Variants in MBD5 observed in about 807,000 individuals in gnomAD.
MBD5 encodes the protein methyl-CpG binding domain protein 5, also known as methyl-CpG-binding domain protein 5.
In MBD5, 13 loss-of-function variants were observed where a neutral mutation model predicts 117.3. The observed-to-expected ratio is 0.11, with a 90% CI of 0.07 to 0.18. MBD5 has a LOEUF of 0.18. Ranked by LOEUF, MBD5 falls within the 10% of genes least tolerant of loss-of-function variation. The pLI is 1.00. For synonymous variants in MBD5, 727 were observed against 766.4 expected (o/e 0.95, Z 0.85); for missense variants, 1,879 against 2,093.8 (o/e 0.90, Z 2.00).
At chr2:148,135,474 T>C (rs1407811075) in intron 1 of MBD5, among the ~76,000 whole-genome samples, 2 of 152,204 alleles carry the variant, frequency 1.3e-5, no homozygotes, top group Admixed American at 6.5e-5. Context: ...TATTTTTACA[T>C]TCTAGAATAT....
intron 7 of MBD5, among the ~76,000 whole-genome samples, chr2:148,465,299 A>G (rs944088802): frequency 1.3e-5 from 2 of 152,136 alleles, no homozygotes; most frequent in African/African-American, 4.8e-5. Context: ...TGATTTTCCC[A>G]TTATTGAAGT....
intron 3 of MBD5, among the ~76,000 whole-genome samples, chr2:148,330,120 C>CACACACACACA (rs1553501700): frequency 6.9e-5 from 10 of 145,498 alleles, no homozygotes; most frequent in East Asian, 2.1e-4. Context: ...CACACACACT[C>CACACACACACA]TACCTTAGGC....
chr2:148,066,485 CTTTTTTTT>C (rs1216245986), intron 1 of MBD5, among the ~76,000 whole-genome samples: 1 of 138,100 alleles, frequency 7.2e-6, no homozygotes, highest in Non-Finnish European at 1.6e-5. Flanking sequence ...CCATTTTTTT[CTTTTTTTT>C]TTTTTTTTGT....
chr2:148,402,678 AT>A (rs1704959942), intron 4 of MBD5, among the ~76,000 whole-genome samples: 1 of 152,166 alleles, frequency 6.6e-6, no homozygotes, highest in Non-Finnish European at 1.5e-5. Flanking sequence ...TTTGAGATTT[AT>A]TCTTGCCGTT....
At chr2:148,140,504 T>A (rs1472513971) in intron 1 of MBD5, among the ~76,000 whole-genome samples, 1 of 152,198 alleles carries the variant, frequency 6.6e-6, no homozygotes, top group East Asian at 1.9e-4. Context: ...GTTAATCTCT[T>A]GAGGAAATTA....
At chr2:148,062,931 C>T (rs1010106551) in intron 1 of MBD5, among the ~76,000 whole-genome samples, 1 of 152,050 alleles carries the variant, frequency 6.6e-6, no homozygotes, top group Non-Finnish European at 1.5e-5. Flanking sequence ...CAATAAAGTA[C>T]AACCAAGACG....
intron 2 of MBD5, among the ~76,000 whole-genome samples, chr2:148,221,460 C>G (rs1699683611): frequency 6.6e-6 from 1 of 152,138 alleles, no homozygotes; most frequent in African/African-American, 2.4e-5. Flanking sequence ...GCCGTTTTAA[C>G]TGAGGTGAGA....
At chr2:148,087,996 A>C (rs1231412427) in intron 1 of MBD5, among the ~76,000 whole-genome samples, 4 of 152,098 alleles carry the variant, frequency 2.6e-5, no homozygotes, top group Admixed American at 2.6e-4. Context: ...AGAATGCTCC[A>C]GAGAAATAGA....
intron 1 of MBD5, chr2:148,044,828 C>A (rs891127654): frequency 1.3e-5 from 2 of 151,962 alleles, no homozygotes; most frequent in African/African-American, 4.8e-5. Flanking sequence ...CTATGGTCAT[C>A]CAAATTTATG....
At chr2:148,463,576 G>C (rs1251807704) in intron 6 of MBD5, among the ~76,000 whole-genome samples, 163 bp from the exon 7 acceptor site, 1 of 152,134 alleles carries the variant, frequency 6.6e-6, no homozygotes. Context: ...GAGTTCAGCA[G>C]AAGTACTTAC....
chr2:148,451,187 GTAGT>G (rs1371367067), intron 4 of MBD5, among the ~76,000 whole-genome samples: 1 of 152,108 alleles, frequency 6.6e-6, no homozygotes, highest in African/African-American at 2.4e-5. Context: ...TGTGCTAGGG[GTAGT>G]TAGAGTGATT....
At chr2:148,149,670 T>C (rs940543932) in intron 1 of MBD5, among the ~76,000 whole-genome samples, 4 of 152,218 alleles carry the variant, frequency 2.6e-5, no homozygotes, top group Non-Finnish European at 5.9e-5. Flanking sequence ...TGGTTTTGAT[T>C]TGCATTTCTC....
intron 4 of MBD5, among the ~76,000 whole-genome samples, chr2:148,362,893 G>C (rs1326298070): frequency 1.3e-5 from 2 of 152,124 alleles, no homozygotes; most frequent in African/African-American, 4.8e-5. Flanking sequence ...TGCAGCAAAG[G>C]GGCCTGACTG....
intron 1 of MBD5, among the ~76,000 whole-genome samples, chr2:148,064,797 C>T (rs920634162): frequency 6.6e-6 from 1 of 152,118 alleles, no homozygotes; most frequent in East Asian, 1.9e-4. Context: ...TTCTTCCTTA[C>T]CTTTCTTCTT....
intron 1 of MBD5, among the ~76,000 whole-genome samples, chr2:148,122,565 T>C (rs1288549759): frequency 1.3e-5 from 2 of 152,210 alleles, no homozygotes; most frequent in African/African-American, 2.4e-5. Flanking sequence ...TTTGAAGAGG[T>C]AGAGTTACTT....
At chr2:148,209,366 A>G (rs748823518) in intron 2 of MBD5, among the ~76,000 whole-genome samples, 2 of 152,160 alleles carry the variant, frequency 1.3e-5, no homozygotes, top group Non-Finnish European at 2.9e-5. Context: ...TAGTGCCACT[A>G]TAAAAGTGGC....
chr2:148,406,934 CTTAT>C (rs1157053435), intron 4 of MBD5, among the ~76,000 whole-genome samples: 1 of 152,128 alleles, frequency 6.6e-6, no homozygotes, highest in Admixed American at 6.6e-5. Flanking sequence ...CTCTTGAACC[CTTAT>C]TTCTTTCATA....
chr2:148,292,601 C>T (rs1701524252), intron 3 of MBD5, among the ~76,000 whole-genome samples: 1 of 152,060 alleles, frequency 6.6e-6, no homozygotes. Context: ...AAAAGGGAAC[C>T]CTCCTACAAT....
intron 3 of MBD5, among the ~76,000 whole-genome samples, chr2:148,282,908 C>G (rs78054544): frequency 1.6e-5 from 2 of 127,626 alleles, no homozygotes; most frequent in Non-Finnish European, 3.2e-5. Flanking sequence ...CGCCCCCCCC[C>G]ATCAGATGCA....
Sources: gnomAD v4.1 joint callset for allele counts (sites outside exome capture counted in the v4.1 genomes callset) on GRCh38, gnomAD v4.1.1 for gene constraint, MANE v1.5 for transcripts, NCBI Gene and HGNC (gene_info 2026-07-23, HGNC 2026-07-21) for gene names.